SIRT7: variants seen among roughly 807,000 people sequenced by gnomAD.
The protein encoded by SIRT7 is sirtuin 7.
Under a neutral mutation model 42.8 loss-of-function variants are expected in SIRT7, and 32 were observed. That is an observed-to-expected ratio of 0.75 (90% CI 0.56 to 1.00). The LOEUF is 1.00. SIRT7 is among the 50% of genes least tolerant of loss of function. The pLI, the probability that SIRT7 is intolerant of heterozygous loss-of-function variation, is 0.00. For synonymous variants in SIRT7, 297 were observed against 245.2 expected (o/e 1.21, Z -1.97); for missense variants, 553 against 572.2 (o/e 0.97, Z 0.34).
rs1436734162 is a variant in SIRT7 at position 81,913,053 on chromosome 17, CGT to C, written c.1005-441_1005-440del. The C allele has an allele frequency of 2.3e-5, 8 of 354,360 alleles. No individual in the cohort carries two copies. Among genetic ancestry groups the C allele is most frequent in the Admixed American group, 4.2e-5 (1 of 23,544 alleles). 22.0% of individuals were successfully genotyped at this position (354,360 alleles called of 1,614,324 possible). A position where few individuals can be genotyped will look rare whatever the true frequency, so the allele number is the denominator to read the frequency against. ...GGGAGGCGTGGCCTACAGACGACCC[CGT>C]GAAGAAAGCATGTGTCTGACGGAGA... On this transcript the variant is annotated intron_variant, in intron 9 of 9. Transcript: ENST00000328666. The surrounding 1 kb of genome is among the most constrained non-coding windows in gnomAD (Gnocchi z 5.0).
chr17:81,913,806 G>A lies in SIRT7; in HGVS notation c.972C>T (p.Ala324=), dbSNP rs200659114. The stretch of plus-strand genomic sequence containing the variant: ...AGGCGGGGATCTCCAAGCCCAGCTC[G>A]GCCATGAGGAGCCGCATGACGTCAT... The part of the protein sequence containing the change: ...KCDDVMRLLM[A]ELGLEIPAYS... The change falls in exon 9 of 10, where the codon GCC becomes GCT. Residue 324 remains alanine, a synonymous_variant. Transcript: ENST00000328666. The surrounding 1 kb of genome is among the most constrained non-coding windows in gnomAD (Gnocchi z 5.0). 3.5e-5 allele frequency: 54 copies of A among 1,548,986 alleles called. No homozygotes were observed. In the Middle Eastern group the frequency reaches 9.0e-4, roughly 26 times the overall value.
At position 81,915,637 on chromosome 17, in the gene SIRT7, T is replaced by C; in HGVS notation, c.381A>G (p.Thr127=). Residue 127 remains threonine, a synonymous_variant, in exon 4 of 10, where the codon ACA becomes ACG. Coordinates refer to ENST00000328666, the MANE Select transcript of SIRT7 (RefSeq NM_016538.3). ...TAACGCTTCTCCCTTTCTGAAGCAG[T>C]GTCCACACTCCATTAGGGCCCCGGT... ...PDYRGPNGVW[T]LLQKGRSVSA... The C allele has an allele frequency of 1.2e-6, 2 of 1,613,950 alleles. No homozygotes were observed. The highest frequency in any genetic ancestry group is 1.7e-6 in the Non-Finnish European group (2 of 1,180,004).
Position 81,914,485 on chromosome 17 carries a change from C to T in SIRT7, c.625G>A (p.Asp209Asn), listed in dbSNP as rs1178394264. ...VPNREYVRVF[D>N]VTERTALHRH... ...TGGAGGGCAGTGCGCTCCGTCACAT[C>T]GAACACCCGCACGTACTCCCTGTTG... Residue 209 changes from aspartate (D) to asparagine (N), a missense_variant, in exon 7 of 10, where the codon GAT (aspartate) becomes AAT (asparagine). Coordinates refer to ENST00000328666, the MANE Select transcript of SIRT7 (RefSeq NM_016538.3). The T allele has an allele frequency of 3.1e-6, 5 of 1,613,050 alleles. No homozygotes were observed. Among genetic ancestry groups the T allele is most frequent in the South Asian group, 1.1e-5 (1 of 91,092 alleles).
Position 81,914,126 on chromosome 17 carries a change from G to A in SIRT7, c.858C>T (p.Pro286=). The change falls in exon 8 of 10, where the codon CCC becomes CCT. Residue 286 remains proline (P), a synonymous_variant. Coordinates refer to ENST00000328666, the MANE Select transcript of SIRT7 (RefSeq NM_016538.3). ...TGTAAAGCTTCGGCCGCCGGCTAGG[G>A]GGCTTGGTCATGCACCAGAGGCGTG... ...KYPRLWCMTK[P]PSRRPKLYIV... 2 of 1,613,614 alleles carry A rather than the reference G, an allele frequency of 1.2e-6. No homozygotes were observed. Among genetic ancestry groups the A allele is most frequent in the Admixed American group, 1.7e-5 (1 of 60,028 alleles).
Position 81,913,637 on chromosome 17 carries a change from C to T in SIRT7, c.1004+137G>A. 1 of 742,996 alleles carries T rather than the reference C, an allele frequency of 1.3e-6. No homozygotes were observed. Among genetic ancestry groups the T allele is most frequent in the African/African-American group, 1.9e-5 (1 of 53,124 alleles). 46.0% of individuals were successfully genotyped at this position (742,996 alleles called of 1,614,324 possible). A position where few individuals can be genotyped will look rare whatever the true frequency, so the allele number is the denominator to read the frequency against. On this transcript the variant is annotated intron_variant, in intron 9 of 9. Transcript: ENST00000328666. The surrounding 1 kb of genome is among the most constrained non-coding windows in gnomAD (Gnocchi z 5.0). The stretch of plus-strand genomic sequence containing the variant: ...CCACCGAGGTCAGGCCCTCTGGAGA[C>T]CACCACGCTTCAGTCATGCCTCAGG...
At chr17:81,917,037 C>G (rs951356387) in intron 3 of SIRT7, 1 of 152,244 alleles carries the variant, frequency 6.6e-6, no homozygotes, top group Admixed American at 6.5e-5. Context: ...CCAGCACAGC[C>G]AGCTTTACAG....
chr17:81,915,671 A>G lies in SIRT7; in HGVS notation c.347T>C (p.Ile116Thr). 6.2e-7 allele frequency: 1 copy of G among 1,613,890 alleles called. No homozygotes were observed. Among genetic ancestry groups the G allele is most frequent in the Non-Finnish European group, 8.5e-7 (1 of 1,180,002 alleles). Residue 116 changes from isoleucine to threonine, a missense_variant, in exon 4 of 10, where the codon ATC (isoleucine) becomes ACC (threonine). Ile to Thr is a moderately conservative substitution (Grantham distance 89, BLOSUM62 -1). Transcript: ENST00000328666. ...TCCATTAGGGCCCCGGTAGTCTGGG[A>G]TAGACGCTGCCTGCATGTCGAGAAA... ...TGAGISTAAS[I>T]PDYRGPNGVW...
rs1277568201 is a variant in SIRT7, at chr17:81,917,672, G to A, written c.279C>T (p.Ala93=). ...EELRGKVREL[A]SAVRNAKYLV... is the part of the protein sequence containing the mutation. ...AGTATTTGGCGTTCCGGACGGCGCT[G>A]GCCAGCTCCCGGACCTTCCCCCGCA... The change falls in exon 3 of 10, where the codon GCC becomes GCT. Residue 93 remains alanine (A), a synonymous_variant. Coordinates refer to ENST00000328666, the MANE Select transcript of SIRT7 (RefSeq NM_016538.3). 2 of 1,607,548 alleles carry A rather than the reference G, an allele frequency of 1.2e-6. No homozygotes were observed. Among genetic ancestry groups the A allele is most frequent in the Non-Finnish European group, 1.7e-6 (2 of 1,177,676 alleles).
At chr17:81,917,408 CTA>C (rs1370749828) in intron 3 of SIRT7, 1 of 466,014 alleles carries the variant, frequency 2.1e-6, no homozygotes, top group Non-Finnish European at 3.7e-6. Flanking sequence ...CAGTCGGCTA[CTA>C]CACCCCATTC....
Position 81,912,595 on chromosome 17 carries a change from AG to A in SIRT7, c.1023del (p.Ser342HisfsTer41). On this transcript the variant is annotated frameshift_variant, in exon 10 of 10. Transcript: ENST00000328666. LOFTEE classifies it high-confidence loss of function. Reference sequence around the variant, plus strand: ...CCAGCACGCAGGGGAGTCGCCAGTGAGAAAATGGGATCCTGCCACCTGCCAA... The same window carrying A: ...CCAGCACGCAGGGGAGTCGCCAGTGAAAAATGGGATCCTGCCACCTGCCAA... ...PAYSRWQDPI[F>X]SLATPLRAGE... 1 of 1,613,356 alleles carries A rather than the reference AG, an allele frequency of 6.2e-7. No individual in the cohort carries two copies. Among genetic ancestry groups the A allele is most frequent in the Non-Finnish European group, 8.5e-7 (1 of 1,179,930 alleles).
intron 9 of SIRT7, 171 bp from the exon 10 acceptor site, chr17:81,912,785 C>T (rs989162033): frequency 1.4e-5 from 10 of 719,858 alleles, no homozygotes; most frequent in South Asian, 4.9e-5. Context: ...AGCTGCAGAA[C>T]GGATGTGGGA....
Position 81,914,071 on chromosome 17 carries a change from T to G in SIRT7, c.897+16A>C, listed in dbSNP as rs2040744320. The G allele has an allele frequency of 6.2e-7, 1 of 1,613,136 alleles. No homozygotes were observed. The highest frequency in any genetic ancestry group is 1.3e-5 in the African/African-American group (1 of 74,950). On this transcript the variant is annotated intron_variant, in intron 8 of 9. Coordinates refer to ENST00000328666, the MANE Select transcript of SIRT7 (RefSeq NM_016538.3). ...AGACCCAGATCTAAGGACGTGGCTCTCAGCACCCGAGTTACCTGCAGGTTC... is the reference window on the plus strand; with the variant it reads ...AGACCCAGATCTAAGGACGTGGCTCGCAGCACCCGAGTTACCTGCAGGTTC...
chr17:81,912,758 C>T (rs2040707455), intron 9 of SIRT7, 144 bp from the exon 10 acceptor site: 3 of 864,720 alleles, frequency 3.5e-6, no homozygotes, highest in African/African-American at 1.7e-5. Flanking sequence ...TGGTTGGCGG[C>T]AGCTTCATTG....
intron 3 of SIRT7, 47 bp downstream of exon 3, chr17:81,917,568 T>C (rs746028133): frequency 6.1e-6 from 9 of 1,472,368 alleles, no homozygotes; most frequent in Admixed American, 4.4e-5. Context: ...TCGCGATTAC[T>C]GGAGCTCATA....
At position 81,913,986 on chromosome 17, in the gene SIRT7, G is replaced by C. The variant is rs995300847; in HGVS notation, c.897+101C>G. ...CAGTCGGTGCTCCCTGAGCACCCAC[G>C]GGGGCCCTATCAGACCGCCCTGGTG... On this transcript the variant is annotated intron_variant, in intron 8 of 9. Transcript: ENST00000328666. The surrounding 1 kb of genome is among the most constrained non-coding windows in gnomAD (Gnocchi z 5.0). The C allele has an allele frequency of 1.3e-6, 2 of 1,552,762 alleles. No homozygotes were observed. Among genetic ancestry groups the C allele is most frequent in the Admixed American group, 3.5e-5 (2 of 56,832 alleles).
chr17:81,918,068 C>T lies in SIRT7; in HGVS notation c.64G>A (p.Glu22Lys). 6.5e-7 allele frequency: 1 copy of T among 1,544,674 alleles called. No individual in the cohort carries two copies. Among genetic ancestry groups the T allele is most frequent in the Non-Finnish European group, 8.6e-7 (1 of 1,156,658 alleles). The stretch of plus-strand genomic sequence containing the variant: ...CGGAGGCGCTCCCTCTGCTGCTCCT[C>T]CCGCAACCTCCGGACCCGCTCCGCC... ...KAAERVRRLR[E>K]EQQRERLRQV... The change falls in exon 1 of 10, where the codon GAG becomes AAG. Residue 22 changes from glutamate (E) to lysine (K), a missense_variant. Glu to Lys is a moderately conservative substitution (Grantham distance 56, BLOSUM62 1). Coordinates refer to ENST00000328666, the MANE Select transcript of SIRT7 (RefSeq NM_016538.3).
In SIRT7 at chr17:81,913,891, G is replaced by C; in HGVS notation, c.898-11C>G. ...ATCCTTCGGGGTCCACTGAGGACAG[G>C]GAAAGCCGAGTGAGAGTAACAGCAG... is the stretch of plus-strand genomic sequence containing the variant. On this transcript the variant is annotated splice_polypyrimidine_tract_variant and intron_variant, in intron 8 of 9. Transcript: ENST00000328666. The surrounding 1 kb of genome is among the most constrained non-coding windows in gnomAD (Gnocchi z 5.0). 1.3e-6 allele frequency: 2 copies of C among 1,550,658 alleles called. No homozygotes were observed. Among genetic ancestry groups the C allele is most frequent in the Non-Finnish European group, 8.7e-7 (1 of 1,147,232 alleles).
At position 81,912,470 on chromosome 17, in the gene SIRT7, C is replaced by G. The variant is rs2040691676; in HGVS notation, c.1149G>C (p.Gly383=). The change falls in exon 10 of 10, where the codon GGG becomes GGC. Residue 383 remains glycine, a synonymous_variant. Coordinates refer to ENST00000328666, the MANE Select transcript of SIRT7 (RefSeq NM_016538.3). ...GAPLSSAPIL[G]GWFGRGCTKR... ...TTGTGCAGCCCCTGCCAAACCAGCC[C>G]CCTAGGATGGGGGCCGAGCTAAGCG... 6.2e-7 allele frequency: 1 copy of G among 1,613,852 alleles called. No homozygotes were observed. The highest frequency in any genetic ancestry group is 1.3e-5 in the African/African-American group (1 of 74,932).
At chr17:81,916,898 AT>A (rs2143793835) in intron 3 of SIRT7, 1 of 152,292 alleles carries the variant, frequency 6.6e-6, no homozygotes, top group East Asian at 1.9e-4. Context: ...GGAGTGCCTC[AT>A]TCCAACCTTC....
Sources: allele counts gnomAD v4.1 joint callset, GRCh38; gene constraint gnomAD v4.1.1; non-coding constraint Gnocchi (gnomAD v3.1); transcripts MANE v1.5; gene names NCBI Gene and HGNC (gene_info 2026-07-23, HGNC 2026-07-21).